The following ROR2 variants were observed in gnomAD, a reference collection of about 807,000 sequenced individuals.
ROR2 encodes tyrosine-protein kinase transmembrane receptor ROR2.
A neutral mutation model predicts 74.9 loss-of-function variants in ROR2; 33 were observed. The observed-to-expected ratio is 0.44, with a 90% CI of 0.33 to 0.59. The LOEUF is 0.59. ROR2 is among the 20% of genes least tolerant of loss of function. The probability of loss-of-function intolerance (pLI) is 0.02; values close to 1 mark genes in which losing one functional copy is unlikely to be tolerated. For missense variants in ROR2, 1,216 were observed against 1,313.8 expected, an observed-to-expected ratio of 0.93 and a Z score of 1.15; for synonymous variants, 586 against 558.7, an observed-to-expected ratio of 1.05 and a Z score of -0.69.
Position 91,756,054 on chromosome 9 carries a change from G to A in ROR2, c.494+17C>T, listed in dbSNP as rs201549038. ...CTCAGAGCAGCAGAACACGGCTTGG[G>A]GAAAACAGATACTTACTGAAAGTTA... On this transcript the variant is annotated intron_variant, in intron 4 of 8. Transcript: ENST00000375708. 1,283 of 1,613,420 alleles carry A rather than the reference G, an allele frequency of 8.0e-4. No individual in the cohort carries two copies. The highest frequency in any genetic ancestry group is 9.7e-4 in the Non-Finnish European group (1,146 of 1,179,322).
intron 1 of ROR2, among the ~76,000 whole-genome samples, chr9:91,901,851 A>G (rs950296709): frequency 2.6e-5 from 4 of 152,040 alleles, no homozygotes; most frequent in Non-Finnish European, 5.9e-5. Context: ...AAAAATAAAA[A>G]GGAGCTTTGT....
intron 1 of ROR2, among the ~76,000 whole-genome samples, chr9:91,879,437 G>T (rs573113661): frequency 4.1e-5 from 6 of 147,502 alleles, no homozygotes; most frequent in Admixed American, 6.6e-5. Flanking sequence ...TGTGGGTGTG[G>T]GGGGGTGTGT....
In ROR2 at chr9:91,726,278, G is replaced by T. The variant is rs192734700; in HGVS notation, c.1386+263C>A. On this transcript the variant is annotated intron_variant, in intron 8 of 8. Coordinates refer to ENST00000375708, the MANE Select transcript of ROR2 (RefSeq NM_004560.4). ...CCTGGACAGTGAGGACACTCGCTGG[G>T]GCCCACAGGGGCAGCATGGTCCAGG... is the stretch of plus-strand genomic sequence containing the variant. Among the ~76,000 whole-genome samples the T allele has an allele frequency of 4.4e-3, 668 of 152,262 alleles. 2 individuals carry two copies. The highest frequency in any genetic ancestry group is 0.015 in the African/African-American group (631 of 41,542).
chr9:91,813,072 G>T (rs142109903), intron 1 of ROR2, among the ~76,000 whole-genome samples: 1 of 151,996 alleles, frequency 6.6e-6, no homozygotes, highest in Non-Finnish European at 1.5e-5. Context: ...CAACAGCCCT[G>T]CCAGGGTGCC....
rs1277548600 is a variant in ROR2, at chr9:91,723,909, T to C, written c.2585A>G (p.His862Arg). 3.1e-6 allele frequency: 5 copies of C among 1,613,924 alleles called. No homozygotes were observed. The highest frequency in any genetic ancestry group is 1.6e-4 in the Middle Eastern group (1 of 6,062). The change falls in exon 9 of 9, where the codon CAC becomes CGC. Residue 862 changes from histidine (H) to arginine (R), a missense_variant. By Grantham distance (29) the His-to-Arg change is conservative. Coordinates refer to ENST00000375708, the MANE Select transcript of ROR2 (RefSeq NM_004560.4). ...PPQMVPKPSS[H>R]HSGSGSTSTG... ...GCTGGTGGAGCCACTGCCACTGTGG[T>C]GTGAGCTGGGCTTGGGGACCATCTG...
chr9:91,877,744 T>C (rs556181910), intron 1 of ROR2, among the ~76,000 whole-genome samples: 38 of 152,282 alleles, frequency 2.5e-4, no homozygotes, highest in African/African-American at 8.7e-4. Flanking sequence ...ATTACACTTA[T>C]GCAAGCCACT....
At chr9:91,841,160 C>A (rs1828770918) in intron 1 of ROR2, among the ~76,000 whole-genome samples, 1 of 152,196 alleles carries the variant, frequency 6.6e-6, no homozygotes, top group South Asian at 2.1e-4. Context: ...TTTTACAAAG[C>A]AAAACAAAGC....
chr9:91,839,254 GTGTGTGT>G (rs1563991770), intron 1 of ROR2, among the ~76,000 whole-genome samples: 18 of 35,784 alleles, frequency 5.0e-4, no homozygotes, highest in African/African-American at 1.6e-3. Context: ...GATCGGGGGT[GTGTGTGT>G]GTGTGTGTGT....
intron 2 of ROR2, among the ~76,000 whole-genome samples, chr9:91,767,197 C>A (rs1380924857): frequency 6.6e-6 from 1 of 152,096 alleles, no homozygotes; most frequent in Non-Finnish European, 1.5e-5. Flanking sequence ...GCCTCAGCCT[C>A]CCGAGTAGCT....
chr9:91,793,349 A>T (rs922202703), intron 1 of ROR2, among the ~76,000 whole-genome samples: 4 of 152,280 alleles, frequency 2.6e-5, no homozygotes, highest in African/African-American at 9.6e-5. Context: ...TGAATCCATA[A>T]ATCACTGGAA....
At chr9:91,740,514 T>TGCACTCCA (rs1455446408) in intron 4 of ROR2, among the ~76,000 whole-genome samples, 1 of 148,440 alleles carries the variant, frequency 6.7e-6, no homozygotes, top group Non-Finnish European at 1.5e-5. Flanking sequence ...AATACGCCAC[T>TGCACTCCA]GCACTCCAGC....
intron 1 of ROR2, 43 bp downstream of exon 1, chr9:91,949,824 C>T (rs1038262590): frequency 5.6e-6 from 7 of 1,242,960 alleles, no homozygotes; most frequent in East Asian, 5.1e-5. Context: ...CCAAGCGAGC[C>T]GTGAGCTACC....
intron 1 of ROR2, among the ~76,000 whole-genome samples, chr9:91,827,518 A>C (rs1467770224): frequency 6.6e-6 from 1 of 152,202 alleles, no homozygotes; most frequent in Admixed American, 6.5e-5. Flanking sequence ...GCACCAAATA[A>C]AGCTATGATA....
intron 1 of ROR2, among the ~76,000 whole-genome samples, chr9:91,899,585 C>G (rs1420839089): frequency 6.6e-6 from 1 of 152,116 alleles, no homozygotes; most frequent in Non-Finnish European, 1.5e-5. Context: ...GGAACTGGCA[C>G]TGAGCAGGTG....
intron 1 of ROR2, among the ~76,000 whole-genome samples, chr9:91,886,399 G>C (rs1017252128): frequency 3.9e-5 from 6 of 152,102 alleles, no homozygotes; most frequent in Non-Finnish European, 8.8e-5. Context: ...AGACGTCGGC[G>C]TGTGTCTACA....
chr9:91,846,508 C>A (rs1828935671), intron 1 of ROR2, among the ~76,000 whole-genome samples: 1 of 152,142 alleles, frequency 6.6e-6, no homozygotes, highest in Non-Finnish European at 1.5e-5. Context: ...AAATCAATGT[C>A]TGCTGTTTAA....
intron 1 of ROR2, among the ~76,000 whole-genome samples, chr9:91,907,043 G>C (rs1830837689): frequency 6.6e-6 from 1 of 152,098 alleles, no homozygotes; most frequent in Admixed American, 6.5e-5. Context: ...TCCCCATTAA[G>C]CACTAACTCC....
chr9:91,921,184 T>C (rs1831254565), intron 1 of ROR2, among the ~76,000 whole-genome samples: 2 of 152,254 alleles, frequency 1.3e-5, no homozygotes, highest in Admixed American at 1.3e-4. Context: ...GCCCTGGGCA[T>C]GTCCTAGTGC....
intron 1 of ROR2, among the ~76,000 whole-genome samples, chr9:91,856,163 C>A (rs1277476678): frequency 6.6e-6 from 1 of 152,168 alleles, no homozygotes; most frequent in East Asian, 1.9e-4. Context: ...TTGAGACCAG[C>A]CTGGGCAACA....
Sources: allele counts gnomAD v4.1 joint callset (sites outside exome capture counted in the v4.1 genomes callset), GRCh38; gene constraint gnomAD v4.1.1; transcripts MANE v1.5; gene names NCBI Gene and HGNC (gene_info 2026-07-23, HGNC 2026-07-21).